MAGI2: variants seen among roughly 807,000 people sequenced by gnomAD.
MAGI2 encodes the protein membrane associated guanylate kinase, WW and PDZ domain containing 2.
MAGI2 carries 35 observed loss-of-function variants against 133.3 expected under a neutral mutation model. That is an observed-to-expected ratio of 0.26 (90% confidence interval 0.20 to 0.35). MAGI2 has a LOEUF of 0.35. Ranked by LOEUF, MAGI2 falls within the 10% of genes least tolerant of loss-of-function variation. The probability of loss-of-function intolerance (pLI) is 1.00; values close to 1 mark genes in which losing one functional copy is unlikely to be tolerated. For missense variants in MAGI2, 1,636 were observed against 1,863.4 expected (o/e 0.88, Z 2.25); for synonymous variants, 729 against 710.6 (o/e 1.03, Z -0.41).
intron 9 of MAGI2, among the ~76,000 whole-genome samples, chr7:78,284,175 T>G (rs1795912418): frequency 1.3e-5 from 2 of 152,136 alleles, no homozygotes. Context: ...AGCAGGAGAC[T>G]TAGACATGCC....
At chr7:78,859,960 A>G (rs1159003564) in intron 2 of MAGI2, among the ~76,000 whole-genome samples, 2 of 151,436 alleles carry the variant, frequency 1.3e-5, no homozygotes, top group Non-Finnish European at 2.9e-5. Flanking sequence ...TTTTCTCTAA[A>G]CTTCTCTTCT....
intron 11 of MAGI2, 109 bp from the exon 12 acceptor site, chr7:78,195,172 A>T (rs1419134052): frequency 3.6e-6 from 3 of 829,378 alleles, no homozygotes; most frequent in African/African-American, 3.5e-5. Flanking sequence ...CTTCCAGGGG[A>T]TGGGTAAAAC....
rs10046498 is a variant in MAGI2, at chr7:78,832,180, T to C, written c.418+174910A>G. Among the ~76,000 whole-genome samples, 1,212 of 152,198 alleles carry C rather than the reference T, an allele frequency of 8.0e-3. 20 individuals carry two copies. Among genetic ancestry groups the C allele is most frequent in the African/African-American group, 0.027 (1,142 of 41,536 alleles). On this transcript the variant is annotated intron_variant, in intron 2 of 21. Transcript: ENST00000354212. ...TCTGAAGAAAAAAAAAAGCCAATTA[T>C]TTTCTCTTAAATATTCCTTACAGAT...
At chr7:78,369,088 A>T in intron 7 of MAGI2, 68 bp downstream of exon 7, 3 of 1,176,196 alleles carry the variant, frequency 2.6e-6, no homozygotes, top group Non-Finnish European at 2.4e-6. Context: ...CACATGCTCA[A>T]TAAATAAAAT....
intron 2 of MAGI2, among the ~76,000 whole-genome samples, chr7:78,741,971 C>A (rs1186939398): frequency 6.6e-6 from 1 of 151,692 alleles, no homozygotes; most frequent in Non-Finnish European, 1.5e-5. Flanking sequence ...TGATTACTGT[C>A]CTTTGATTAA....
At chr7:78,205,781 A>G (rs1194901945) in intron 10 of MAGI2, among the ~76,000 whole-genome samples, 1 of 152,136 alleles carries the variant, frequency 6.6e-6, no homozygotes, top group African/African-American at 2.4e-5. Flanking sequence ...GGTAATATTT[A>G]TTTCATTCAG....
chr7:78,339,874 A>T (rs907076552), intron 9 of MAGI2, among the ~76,000 whole-genome samples: 1 of 152,238 alleles, frequency 6.6e-6, no homozygotes, highest in Non-Finnish European at 1.5e-5. Context: ...TTTTAAGGAG[A>T]TATAATATGC....
chr7:78,154,422 G>A (rs778635454), intron 16 of MAGI2, among the ~76,000 whole-genome samples: 2 of 152,150 alleles, frequency 1.3e-5, no homozygotes, highest in Non-Finnish European at 2.9e-5. Context: ...ATGCACTTGC[G>A]GATAGGGACA....
At chr7:78,216,628 C>T (rs1584432115) in intron 10 of MAGI2, among the ~76,000 whole-genome samples, 1 of 152,244 alleles carries the variant, frequency 6.6e-6, no homozygotes, top group African/African-American at 2.4e-5. Context: ...GCTTCTCTGC[C>T]CTGCTGACCC....
At chr7:78,146,632 A>C (rs1425110811) in intron 16 of MAGI2, among the ~76,000 whole-genome samples, 1 of 152,130 alleles carries the variant, frequency 6.6e-6, no homozygotes, top group Non-Finnish European at 1.5e-5. Context: ...TGTTCAATAA[A>C]ACTACACTTT....
chr7:78,464,299 C>A lies in MAGI2; in HGVS notation c.1045+25462G>T, dbSNP rs972494996. Among the ~76,000 whole-genome samples, 4 of 152,202 alleles carry A rather than the reference C, an allele frequency of 2.6e-5. No homozygotes were observed. The East Asian group carries it at 7.7e-4, about 29-fold the overall frequency. The stretch of plus-strand genomic sequence containing the variant: ...GCGACACTCCAAGAATTAATGCCTG[C>A]CAAATTTACTAATAACATCTTTGTT... On this transcript the variant is annotated intron_variant, in intron 6 of 21. Coordinates refer to ENST00000354212, the MANE Select transcript of MAGI2 (RefSeq NM_012301.4).
chr7:78,242,988 C>T (rs1162896896), intron 10 of MAGI2, among the ~76,000 whole-genome samples: 2 of 152,076 alleles, frequency 1.3e-5, no homozygotes, highest in Non-Finnish European at 2.9e-5. Context: ...GGGGGGATCG[C>T]TTGAGCCCAG....
chr7:78,662,385 C>G lies in MAGI2; in HGVS notation c.419-35146G>C, dbSNP rs189726543. On this transcript the variant is annotated intron_variant, in intron 2 of 21. Transcript: ENST00000354212. ...TCTTACTTCTATGTTGCTTTTGCCT[C>G]AAATACTTTAGTTACCAACAATCGA... 4.1e-3 allele frequency among the ~76,000 whole-genome samples: 628 copies of G among 152,254 alleles called. 3 individuals are homozygous for G. Among genetic ancestry groups the G allele is most frequent in the African/African-American group, 0.015 (608 of 41,552 alleles).
At chr7:79,170,137 CTTTTTT>C (rs10539344) in intron 1 of MAGI2, among the ~76,000 whole-genome samples, 145 of 42,942 alleles carry the variant, frequency 3.4e-3, no homozygotes, top group African/African-American at 0.011. Flanking sequence ...AGATATTATA[CTTTTTT>C]TTTTTTTTTT....
intron 1 of MAGI2, among the ~76,000 whole-genome samples, chr7:79,397,257 C>T (rs1845129041): frequency 6.6e-6 from 1 of 150,538 alleles, no homozygotes; most frequent in African/African-American, 2.4e-5. Flanking sequence ...ATAAAATTGG[C>T]ATCAGACTTA....
chr7:78,714,484 T>C (rs1819514538), intron 2 of MAGI2, among the ~76,000 whole-genome samples: 1 of 152,148 alleles, frequency 6.6e-6, no homozygotes, highest in East Asian at 1.9e-4. Flanking sequence ...CCACCTTCCA[T>C]CTGATTCCTA....
At chr7:79,102,078 T>C (rs369893687) in intron 1 of MAGI2, among the ~76,000 whole-genome samples, 1 of 152,180 alleles carries the variant, frequency 6.6e-6, no homozygotes, top group East Asian at 1.9e-4. Context: ...GTAGAAATTA[T>C]ACAAATTTTA....
intron 9 of MAGI2, among the ~76,000 whole-genome samples, chr7:78,271,860 T>G (rs1272684461): frequency 6.6e-6 from 1 of 152,094 alleles, no homozygotes; most frequent in East Asian, 1.9e-4. Flanking sequence ...TTAGTCTTGC[T>G]AGCAGTCTAT....
intron 1 of MAGI2, among the ~76,000 whole-genome samples, chr7:79,195,151 G>A (rs1827976901): frequency 3.3e-5 from 5 of 151,950 alleles, no homozygotes; most frequent in Admixed American, 3.3e-4. Context: ...AAGAGACGAT[G>A]TGGTCACCTA....
Sources: gnomAD v4.1 joint callset for allele counts (sites outside exome capture counted in the v4.1 genomes callset) on GRCh38, gnomAD v4.1.1 for gene constraint, MANE v1.5 for transcripts, NCBI Gene and HGNC (gene_info 2026-07-23, HGNC 2026-07-21) for gene names.